The following NOVA2 variants were observed in gnomAD, a reference collection of about 807,000 sequenced individuals.
NOVA2 encodes RNA-binding protein Nova-2.
Under a neutral mutation model 22.5 loss-of-function variants are expected in NOVA2, and 9 were observed. The ratio of observed to expected loss-of-function variants is 0.40; its 90% CI spans 0.24 to 0.70. The LOEUF is 0.70. Ranked by LOEUF, NOVA2 falls within the 30% of genes least tolerant of loss-of-function variation. The probability of loss-of-function intolerance (pLI) is 0.38; values close to 1 mark genes in which losing one functional copy is unlikely to be tolerated. For missense variants in NOVA2, 383 were observed against 682.8 expected (o/e 0.56, Z 4.89); for synonymous variants, 318 against 335.2 (o/e 0.95, Z 0.56).
Position 45,939,752 on chromosome 19 carries a change from C to A in NOVA2, c.*111G>T. 5.0e-6 allele frequency: 7 copies of A among 1,411,608 alleles called. No homozygotes were observed. Among genetic ancestry groups the A allele is most frequent in the Non-Finnish European group, 6.8e-6 (7 of 1,031,340 alleles). The allele number at this position is 1,411,608 out of a possible 1,614,324, so 87.4% of individuals were successfully genotyped here. On this transcript the variant is annotated 3_prime_UTR_variant, in exon 4 of 4. Transcript: ENST00000263257. The stretch of plus-strand genomic sequence containing the variant: ...GCAGTCGGGCCTACCCCAGCCCCAT[C>A]CCAAGAGGAGCAGGACTACACCAAG...
At chr19:45,954,646 G>C (rs1967976630) in intron 2 of NOVA2, among the ~76,000 whole-genome samples, 1 of 152,088 alleles carries the variant, frequency 6.6e-6, no homozygotes, top group South Asian at 2.1e-4. Context: ...GAGGAGTGAG[G>C]ACCAAGGAAC....
chr19:45,943,178 C>T (rs540632340), intron 3 of NOVA2, among the ~76,000 whole-genome samples: 32 of 151,446 alleles, frequency 2.1e-4, no homozygotes, highest in Non-Finnish European at 4.0e-4. Context: ...CTCAGCCTCC[C>T]TAGTAGCTGG....
intron 1 of NOVA2, among the ~76,000 whole-genome samples, chr19:45,965,369 CTT>C (rs1477058257): frequency 3.3e-5 from 5 of 152,224 alleles, no homozygotes; most frequent in South Asian, 2.1e-4. Context: ...CCCCCTCTCT[CTT>C]GTACTTCTTT....
At chr19:45,966,733 C>T (rs990290769) in intron 1 of NOVA2, among the ~76,000 whole-genome samples, 55 of 152,220 alleles carry the variant, frequency 3.6e-4, no homozygotes, top group African/African-American at 1.2e-3. Flanking sequence ...AAAAATTAGC[C>T]AGACGTGGAG....
At chr19:45,946,850 G>C (rs1967847262) in intron 3 of NOVA2, among the ~76,000 whole-genome samples, 3 of 149,674 alleles carry the variant, frequency 2.0e-5, no homozygotes, top group Admixed American at 1.3e-4. Flanking sequence ...ATTCCAGCCT[G>C]GTGAGTGAGC....
chr19:45,941,502 G>T (rs887238907), intron 3 of NOVA2, among the ~76,000 whole-genome samples: 1 of 151,712 alleles, frequency 6.6e-6, no homozygotes, highest in Non-Finnish European at 1.5e-5. Context: ...AGACTGAGAC[G>T]CCCCAGGTCA....
Position 45,937,024 on chromosome 19 carries a change from G to A in NOVA2, c.*2839C>T, listed in dbSNP as rs551920346. The A allele has an allele frequency of 6.6e-6, 1 of 152,336 alleles. No individual in the cohort carries two copies. Among genetic ancestry groups the A allele is most frequent in the African/African-American group, 2.4e-5 (1 of 41,554 alleles). 9.4% of individuals were successfully genotyped at this position (152,336 alleles called of 1,614,324 possible). A position where few individuals can be genotyped will look rare whatever the true frequency, so the allele number is the denominator to read the frequency against. ...GGGACTTTCAAGAGATGGCAAAGAT[G>A]GTGGAGTGAGTTTCCCAAGGTAAAA... On this transcript the variant is annotated 3_prime_UTR_variant, in exon 4 of 4. Coordinates refer to ENST00000263257, the MANE Select transcript of NOVA2 (RefSeq NM_002516.4).
chr19:45,941,577 A>G (rs1024145964), intron 3 of NOVA2, among the ~76,000 whole-genome samples: 1 of 151,816 alleles, frequency 6.6e-6, no homozygotes, highest in South Asian at 2.1e-4. Context: ...ATGCACCAGT[A>G]TGGTCCAACT....
chr19:45,958,378 T>A lies in NOVA2; in HGVS notation c.229+2632A>T, dbSNP rs201420761. 2.4e-3 allele frequency among the ~76,000 whole-genome samples: 242 copies of A among 101,608 alleles called. 1 individual carries two copies. Among genetic ancestry groups the A allele is most frequent in the East Asian group, 0.017 (57 of 3,356 alleles). The allele number at this position is 101,608 out of a possible 152,430, so 66.7% of individuals were successfully genotyped here. ...CTGTGTGTGTGTGTGTGTGTGAGAG[T>A]GTGTGTGTGTGGGAGCATGTGTGTG... On this transcript the variant is annotated intron_variant, in intron 2 of 3. Transcript: ENST00000263257.
At chr19:45,959,233 AG>A (rs1438238840) in intron 2 of NOVA2, among the ~76,000 whole-genome samples, 4 of 151,900 alleles carry the variant, frequency 2.6e-5, no homozygotes, top group Non-Finnish European at 5.9e-5. Context: ...ACTAGGATGT[AG>A]GGGGCTGTGT....
chr19:45,941,309 A>AATATATATATAT (rs4039577), intron 3 of NOVA2, among the ~76,000 whole-genome samples: 1 of 129,804 alleles, frequency 7.7e-6, no homozygotes, highest in African/African-American at 3.0e-5. Flanking sequence ...AAAATAAAAT[A>AATATATATATAT]ATATATATAT....
chr19:45,940,424 G>T lies in NOVA2; in HGVS notation c.918C>A (p.Ser306=). The T allele has an allele frequency of 6.7e-7, 1 of 1,491,406 alleles. No individual in the cohort carries two copies. The highest frequency in any genetic ancestry group is 8.9e-7 in the Non-Finnish European group (1 of 1,118,632). The allele number at this position is 1,491,406 out of a possible 1,614,324, so 92.4% of individuals were successfully genotyped here. The change falls in exon 4 of 4, where the codon TCC becomes TCA. Residue 306 remains serine (S), a synonymous_variant. Transcript: ENST00000263257. ...CGGCGGCCACGGCGGCCAGGACGCC[G>T]GAAGCTGCGGCCGAGTTGAGGCCCA... is the stretch of plus-strand genomic sequence containing the variant. ...LGLGLNSAAA[S]GVLAAVAAGA...
At chr19:45,967,383 CA>C (rs1035102771) in intron 1 of NOVA2, 2 of 152,232 alleles carry the variant, frequency 1.3e-5, no homozygotes, top group Admixed American at 1.3e-4. Flanking sequence ...TTTGAACAAC[CA>C]AGGCACTGCT....
At chr19:45,949,276 T>C (rs1303124056) in intron 3 of NOVA2, among the ~76,000 whole-genome samples, 1 of 133,478 alleles carries the variant, frequency 7.5e-6, no homozygotes, top group Admixed American at 8.2e-5. Context: ...TTCTAAACAG[T>C]AAAGCTTACA....
chr19:45,970,907 A>G (rs1393596556), intron 1 of NOVA2, among the ~76,000 whole-genome samples: 2 of 152,098 alleles, frequency 1.3e-5, no homozygotes, highest in Non-Finnish European at 2.9e-5. Flanking sequence ...AGTAAACAGA[A>G]GCGGGGTGGG....
intron 1 of NOVA2, among the ~76,000 whole-genome samples, chr19:45,966,706 C>T (rs999793184): frequency 1.3e-5 from 2 of 152,036 alleles, no homozygotes; most frequent in Admixed American, 6.6e-5. Context: ...GGTAAAACCC[C>T]GTCTCTACTA....
chr19:45,969,967 T>G (rs971077327), intron 1 of NOVA2, among the ~76,000 whole-genome samples: 11 of 152,200 alleles, frequency 7.2e-5, no homozygotes, highest in African/African-American at 2.7e-4. Context: ...AGGCCACTGC[T>G]TGCTGGGACA....
rs987630756 is a variant in NOVA2, at chr19:45,937,645, A to AT, written c.*2217dup. ...ATCTCCATCTGGGTTCAGTCTGGAGATTAGGGGTGGGGCAACAACAATGGG... is the reference window on the plus strand; with the variant it reads ...ATCTCCATCTGGGTTCAGTCTGGAGATTTAGGGGTGGGGCAACAACAATGGG... On this transcript the variant is annotated 3_prime_UTR_variant, in exon 4 of 4. Transcript: ENST00000263257. 2.6e-4 allele frequency: 39 copies of AT among 151,684 alleles called. No homozygotes were observed. The highest frequency in any genetic ancestry group is 9.0e-4 in the African/African-American group (37 of 41,254). The allele number at this position is 151,684 out of a possible 1,614,324, so 9.4% of individuals were successfully genotyped here.
intron 1 of NOVA2, among the ~76,000 whole-genome samples, chr19:45,961,911 G>A (rs760987240): frequency 6.6e-6 from 1 of 152,192 alleles, no homozygotes; most frequent in Non-Finnish European, 1.5e-5. Context: ...CTTCCAGAGG[G>A]ACTAAGGAGG....
Sources: allele counts gnomAD v4.1 joint callset (sites outside exome capture counted in the v4.1 genomes callset), GRCh38; gene constraint gnomAD v4.1.1; transcripts MANE v1.5; gene names NCBI Gene and HGNC (gene_info 2026-07-23, HGNC 2026-07-21).